Variants in FAM178B observed in about 807,000 individuals in gnomAD.
FAM178B encodes protein FAM178B.
In FAM178B, 82 loss-of-function variants were observed where a neutral mutation model predicts 91.7. The ratio of observed to expected loss-of-function variants is 0.89; its 90% CI spans 0.75 to 1.07. The LOEUF (loss-of-function observed/expected upper bound fraction) is 1.07. Ranked by LOEUF, FAM178B falls within the 50% of genes least tolerant of loss-of-function variation. FAM178B has a pLI of 0.00. For missense variants in FAM178B, 769 were observed against 846.7 expected (o/e 0.91, Z 1.14); for synonymous variants, 368 against 359.4 (o/e 1.02, Z -0.27).
intron 14 of FAM178B, among the ~76,000 whole-genome samples, chr2:96,890,626 G>A (rs2153368246): frequency 6.6e-6 from 1 of 152,308 alleles, no homozygotes; most frequent in Non-Finnish European, 1.5e-5. Flanking sequence ...GGGCTCAGGT[G>A]GTAGCTTGGA....
intron 7 of FAM178B, among the ~76,000 whole-genome samples, chr2:96,949,018 A>C (rs938756710): frequency 5.3e-5 from 8 of 151,996 alleles, no homozygotes; most frequent in African/African-American, 1.9e-4. Context: ...TCCTGTTGTA[A>C]CTTCCTACAA....
intron 5 of FAM178B, among the ~76,000 whole-genome samples, chr2:96,962,196 G>C (rs973483168): frequency 2.4e-4 from 37 of 152,226 alleles, no homozygotes; most frequent in African/African-American, 6.3e-4. Context: ...CAGCTACTTG[G>C]GAGGCTGAGG....
intron 6 of FAM178B, among the ~76,000 whole-genome samples, chr2:96,952,828 ATT>A (rs1317685675): frequency 1.3e-5 from 2 of 152,152 alleles, no homozygotes; most frequent in African/African-American, 4.8e-5. Context: ...CGTAAGTCAC[ATT>A]TGTTCTTCTT....
chr2:96,887,614 TG>T (rs1484707658), intron 14 of FAM178B, among the ~76,000 whole-genome samples: 1 of 152,164 alleles, frequency 6.6e-6, no homozygotes, highest in African/African-American at 2.4e-5. Context: ...TGGATTCAAA[TG>T]TCGCAGTGTG....
intron 7 of FAM178B, among the ~76,000 whole-genome samples, chr2:96,950,461 T>G (rs1303100762): frequency 6.6e-6 from 1 of 152,178 alleles, no homozygotes; most frequent in Non-Finnish European, 1.5e-5. Flanking sequence ...CTCTCTGGAC[T>G]GCAGCCAGCC....
Position 96,954,613 on chromosome 2 carries a change from C to A in FAM178B, c.888-3129G>T, listed in dbSNP as rs766455843. On this transcript the variant is annotated intron_variant, in intron 6 of 16. Coordinates refer to ENST00000490605, the MANE Select transcript of FAM178B (RefSeq NM_001122646.3). ...CCAAGTGATGGCCGAAGGATAAACA[C>A]CAAGTGTAGTTATTTATACGTATCA... Among the ~76,000 whole-genome samples the A allele has an allele frequency of 3.3e-5, 5 of 152,364 alleles. No homozygotes were observed. In the South Asian group the frequency reaches 6.2e-4, roughly 19 times the overall value.
chr2:96,877,773 C>T, intron 16 of FAM178B, 117 bp downstream of exon 16: 1 of 1,055,064 alleles, frequency 9.5e-7, no homozygotes, highest in Admixed American at 2.2e-5. Context: ...CCACTCCACC[C>T]ATATCCCTGC....
chr2:96,929,872 T>C (rs1179386005), intron 8 of FAM178B, among the ~76,000 whole-genome samples: 1 of 152,226 alleles, frequency 6.6e-6, no homozygotes, highest in African/African-American at 2.4e-5. Context: ...GTGTGCGCTA[T>C]GGGGACCAGT....
chr2:96,887,272 T>A (rs1043553470), intron 14 of FAM178B, among the ~76,000 whole-genome samples: 7 of 152,142 alleles, frequency 4.6e-5, no homozygotes, highest in African/African-American at 1.7e-4. Flanking sequence ...CTCGCTATGT[T>A]GTGCAGGGTG....
intron 8 of FAM178B, among the ~76,000 whole-genome samples, chr2:96,937,823 C>G (rs756043151): frequency 6.6e-6 from 1 of 152,090 alleles, no homozygotes; most frequent in Non-Finnish European, 1.5e-5. Flanking sequence ...CCCAGGTGTT[C>G]GAGACCAGCC....
At chr2:96,961,270 A>G (rs534646204) in intron 5 of FAM178B, among the ~76,000 whole-genome samples, 1 of 152,174 alleles carries the variant, frequency 6.6e-6, no homozygotes, top group East Asian at 1.9e-4. Context: ...AGGACTGGCA[A>G]CGTGGCTGAG....
chr2:96,904,808 T>C (rs771581113), intron 12 of FAM178B, among the ~76,000 whole-genome samples: 2 of 151,770 alleles, frequency 1.3e-5, no homozygotes, highest in Non-Finnish European at 2.9e-5. Context: ...AGCCTAGGAG[T>C]TTGTGGCTAC....
chr2:96,980,715 T>A (rs1204185149), intron 1 of FAM178B, among the ~76,000 whole-genome samples: 2 of 152,172 alleles, frequency 1.3e-5, no homozygotes, highest in African/African-American at 4.8e-5. Flanking sequence ...TTGCATTTTT[T>A]AATTTGGGTT....
chr2:96,984,534 T>A (rs1361480157), intron 1 of FAM178B, among the ~76,000 whole-genome samples: 2 of 152,172 alleles, frequency 1.3e-5, no homozygotes, highest in Admixed American at 1.3e-4. Context: ...GTATTCAGAC[T>A]GGCTGGCTGC....
chr2:96,932,904 C>T (rs1231634410), intron 8 of FAM178B, among the ~76,000 whole-genome samples: 1 of 140,710 alleles, frequency 7.1e-6, no homozygotes. Flanking sequence ...CGTGCCACTG[C>T]ACCCCAGCCT....
chr2:96,967,848 G>C (rs993617761), intron 4 of FAM178B, among the ~76,000 whole-genome samples: 7 of 150,508 alleles, frequency 4.7e-5, no homozygotes, highest in Non-Finnish European at 7.4e-5. Context: ...GGAGCAAGCA[G>C]GCCAGAAGAT....
chr2:96,921,654 A>G lies in FAM178B; in HGVS notation c.1288T>C (p.Phe430Leu). ...LDISLGHIYK[F>L]LALCAQAQPG... ...TGGGCCTGGGCACACAGCGCCAGAA[A>G]CTGGAGAGAGAAAAGAGGGCAGGGG... Residue 430 changes from phenylalanine (F) to leucine (L), a missense_variant and splice_region_variant, in exon 11 of 17, where the codon TTT becomes CTT. Coordinates refer to ENST00000490605, the MANE Select transcript of FAM178B (RefSeq NM_001122646.3). 1 of 1,551,162 alleles carries G rather than the reference A, an allele frequency of 6.4e-7. No homozygotes were observed. The highest frequency in any genetic ancestry group is 8.7e-7 in the Non-Finnish European group (1 of 1,146,928).
Position 96,921,574 on chromosome 2 carries a change from G to A in FAM178B, c.1368C>T (p.Arg456=), listed in dbSNP as rs1430711030. The change falls in exon 11 of 17, where the codon CGC becomes CGT. Residue 456 remains arginine (R), a synonymous_variant. Coordinates refer to ENST00000490605, the MANE Select transcript of FAM178B (RefSeq NM_001122646.3). The stretch of plus-strand genomic sequence containing the variant: ...GGCGGAGCCCCACGTCCAGGCTGGT[G>A]CGGCACAGCAGCTCAATCAGTCCCA... ...NLMGLIELLC[R]TSLDVGLRLL... The A allele has an allele frequency of 1.3e-6, 2 of 1,551,726 alleles. No individual in the cohort carries two copies. Among genetic ancestry groups the A allele is most frequent in the Non-Finnish European group, 1.7e-6 (2 of 1,147,002 alleles).
At chr2:96,912,858 C>T (rs2081181783) in intron 12 of FAM178B, among the ~76,000 whole-genome samples, 1 of 152,176 alleles carries the variant, frequency 6.6e-6, no homozygotes, top group Admixed American at 6.5e-5. Context: ...ACCTTCTGGC[C>T]TCACCCGCCC....
Sources: gnomAD v4.1 joint callset for allele counts (sites outside exome capture counted in the v4.1 genomes callset) on GRCh38, gnomAD v4.1.1 for gene constraint, MANE v1.5 for transcripts, NCBI Gene and HGNC (gene_info 2026-07-23, HGNC 2026-07-21) for gene names.